The following USP31 variants were observed in gnomAD, a reference collection of about 807,000 sequenced individuals.
USP31 encodes ubiquitin specific peptidase 31.
In USP31, 44 loss-of-function variants were observed where a neutral mutation model predicts 119.4. The ratio of observed to expected loss-of-function variants is 0.37; its 90% CI spans 0.29 to 0.47. USP31 has a LOEUF of 0.47. USP31 is among the 20% of genes least tolerant of loss of function. USP31 has a pLI of 0.99. For synonymous variants in USP31, 749 were observed against 705.6 expected, an observed-to-expected ratio of 1.06 and a Z score of -0.97; for missense variants, 1,643 against 1,730.2, an observed-to-expected ratio of 0.95 and a Z score of 0.89.
chr16:23,136,110 T>G (rs549726526), intron 1 of USP31, among the ~76,000 whole-genome samples: 3 of 152,166 alleles, frequency 2.0e-5, no homozygotes, highest in Admixed American at 2.0e-4. Flanking sequence ...AAGCACAATT[T>G]TGTCAACCAG....
intron 1 of USP31, among the ~76,000 whole-genome samples, chr16:23,126,620 C>T (rs989377258): frequency 1.1e-4 from 16 of 147,836 alleles, no homozygotes; most frequent in African/African-American, 3.7e-4. Context: ...GAGCAAGACT[C>T]TGTCTCAAAA....
In USP31 at chr16:23,120,000, C is replaced by T. The variant is rs561506421; in HGVS notation, c.634-11817G>A. On this transcript the variant is annotated intron_variant, in intron 1 of 15. Coordinates refer to ENST00000219689, the MANE Select transcript of USP31 (RefSeq NM_020718.4). ...CTTAAGTGGCCAAGACTTGCTGACTCCAAGTTTAGAGTCAGCTCAGGTCAC... is the reference window on the plus strand; with the variant it reads ...CTTAAGTGGCCAAGACTTGCTGACTTCAAGTTTAGAGTCAGCTCAGGTCAC... Among the ~76,000 whole-genome samples the T allele has an allele frequency of 1.6e-4, 24 of 152,318 alleles. No individual in the cohort carries two copies. In the South Asian group the frequency reaches 5.0e-3, roughly 32 times the overall value.
intron 15 of USP31, among the ~76,000 whole-genome samples, chr16:23,070,323 T>C (rs1270522968): frequency 1.3e-5 from 2 of 152,186 alleles, no homozygotes; most frequent in South Asian, 2.1e-4. Flanking sequence ...AGCTGGCCTG[T>C]CATTGTTGAC....
At chr16:23,122,690 A>G (rs999107156) in intron 1 of USP31, among the ~76,000 whole-genome samples, 7 of 152,226 alleles carry the variant, frequency 4.6e-5, no homozygotes, top group African/African-American at 1.7e-4. Flanking sequence ...AAGTGAAAGA[A>G]GCCAGATGCA....
At chr16:23,088,695 C>A (rs533029212) in intron 7 of USP31, among the ~76,000 whole-genome samples, 101 of 152,306 alleles carry the variant, frequency 6.6e-4, no homozygotes, top group African/African-American at 2.4e-3. Context: ...GTATTCTTTT[C>A]CAGGAGGCAC....
chr16:23,087,025 T>C, intron 9 of USP31, 67 bp downstream of exon 9: 1 of 1,187,908 alleles, frequency 8.4e-7, no homozygotes. Context: ...ATATAAGACA[T>C]CACTTGAAAT....
chr16:23,097,157 G>T (rs1388422075), intron 6 of USP31, among the ~76,000 whole-genome samples: 4 of 152,016 alleles, frequency 2.6e-5, no homozygotes, highest in Admixed American at 6.5e-5. Context: ...TGATAAAGGG[G>T]ATATCACCAC....
At chr16:23,118,450 T>TC (rs1902566878) in intron 1 of USP31, among the ~76,000 whole-genome samples, 1 of 152,208 alleles carries the variant, frequency 6.6e-6, no homozygotes, top group Admixed American at 6.5e-5. Flanking sequence ...AATTTTTTTT[T>TC]CAAGTGTGAC....
intron 1 of USP31, among the ~76,000 whole-genome samples, chr16:23,118,232 ACT>A (rs1249331973): frequency 1.3e-5 from 2 of 152,226 alleles, no homozygotes; most frequent in East Asian, 3.9e-4. Flanking sequence ...AAAGTCTAAA[ACT>A]CTGTACAGAT....
At chr16:23,107,733 G>C (rs993565539) in intron 2 of USP31, among the ~76,000 whole-genome samples, 3 of 152,156 alleles carry the variant, frequency 2.0e-5, no homozygotes, top group Non-Finnish European at 2.9e-5. Flanking sequence ...TACTAGAATA[G>C]AAAGCAAACA....
chr16:23,093,642 T>C (rs971270837), intron 6 of USP31, among the ~76,000 whole-genome samples: 1 of 152,206 alleles, frequency 6.6e-6, no homozygotes, highest in Non-Finnish European at 1.5e-5. Context: ...AAGACAACCA[T>C]AGAATTATGA....
chr16:23,121,044 A>G (rs1024535958), intron 1 of USP31, among the ~76,000 whole-genome samples: 5 of 152,230 alleles, frequency 3.3e-5, no homozygotes, highest in African/African-American at 1.2e-4. Flanking sequence ...GATCCAAAAT[A>G]TTCTGGAAAT....
At chr16:23,092,157 A>T (rs1396688353) in intron 6 of USP31, among the ~76,000 whole-genome samples, 1 of 152,222 alleles carries the variant, frequency 6.6e-6, no homozygotes, top group Non-Finnish European at 1.5e-5. Context: ...GGAAAGCAGT[A>T]GCCTCATTAT....
Position 23,148,939 on chromosome 16 carries a change from G to GGCGGCGGCGGGC in USP31, c.320_331dup (p.Pro110_Pro111insArgProProPro), listed in dbSNP as rs1196922100. On this transcript the variant is annotated inframe_insertion, in exon 1 of 16. Coordinates refer to ENST00000219689, the MANE Select transcript of USP31 (RefSeq NM_020718.4). ...GCAAGCGGGCGGCGCGGGAGAGGCG[G>GGCGGCGGCGGGC]GCGGCGGCGGGCACGGCGGCGGCGT... 4.5e-6 allele frequency: 5 copies of GGCGGCGGCGGGC among 1,121,946 alleles called. No homozygotes were observed. The African/African-American group carries it at 5.0e-5, about 11-fold the overall frequency. The allele number at this position is 1,121,946 out of a possible 1,614,324, so 69.5% of individuals were successfully genotyped here. A position where few individuals can be genotyped will look rare whatever the true frequency, so the allele number is the denominator to read the frequency against.
chr16:23,090,624 CT>C lies in USP31; in HGVS notation c.1414del (p.Arg472AspfsTer10). The C allele has an allele frequency of 2.5e-6, 4 of 1,603,242 alleles. No homozygotes were observed. The highest frequency in any genetic ancestry group is 1.1e-5 in the South Asian group (1 of 90,212). On this transcript the variant is annotated frameshift_variant and splice_region_variant, in exon 7 of 16. Coordinates refer to ENST00000219689, the MANE Select transcript of USP31 (RefSeq NM_020718.4). LOFTEE classifies it high-confidence loss of function. Reference sequence around the variant, plus strand: ...TACTGGAAAATAATCTGGTTCTCACCTTTTCCCTTGTTGCCCAGTGCAGGCT... The same window carrying C: ...TACTGGAAAATAATCTGGTTCTCACCTTTCCCTTGTTGCCCAGTGCAGGCT... ...NRACTGQQGK[R>X]FGLPFVLHLE...
intron 1 of USP31, among the ~76,000 whole-genome samples, chr16:23,119,129 C>A (rs1301225625): frequency 6.7e-6 from 1 of 148,496 alleles, no homozygotes; most frequent in Admixed American, 6.7e-5. Context: ...GAGACAGTCT[C>A]GCTTTGTCCC....
chr16:23,094,210 G>A (rs563119847), intron 6 of USP31, among the ~76,000 whole-genome samples: 1 of 152,280 alleles, frequency 6.6e-6, no homozygotes, highest in East Asian at 1.9e-4. Flanking sequence ...TGCCTGGCTC[G>A]GTGGGTCCCA....
At chr16:23,135,217 A>C (rs1235695391) in intron 1 of USP31, among the ~76,000 whole-genome samples, 1 of 152,072 alleles carries the variant, frequency 6.6e-6, no homozygotes, top group East Asian at 1.9e-4. Context: ...CATATAAAAA[A>C]GCCCCCAGCT....
intron 1 of USP31, among the ~76,000 whole-genome samples, chr16:23,140,451 T>G (rs997399337): frequency 1.3e-5 from 2 of 152,112 alleles, no homozygotes; most frequent in African/African-American, 4.8e-5. Flanking sequence ...CAGCCCAAAA[T>G]AGCAAGAGTG....
Sources: allele counts gnomAD v4.1 joint callset (sites outside exome capture counted in the v4.1 genomes callset), GRCh38; gene constraint gnomAD v4.1.1; transcripts MANE v1.5; gene names NCBI Gene and HGNC (gene_info 2026-07-23, HGNC 2026-07-21).